The following SDC2 variants were observed in gnomAD, a reference collection of about 807,000 sequenced individuals.
SDC2 encodes the protein syndecan 2.
A neutral mutation model predicts 22.2 loss-of-function variants in SDC2; 13 were observed. That is an observed-to-expected ratio of 0.59 (90% confidence interval 0.38 to 0.93). SDC2 has a LOEUF of 0.93. Among genes scored for constraint, SDC2 ranks in the 40% least tolerant of loss-of-function variants. The probability of loss-of-function intolerance (pLI) is 0.00; values close to 1 mark genes in which losing one functional copy is unlikely to be tolerated. For missense variants in SDC2, 235 were observed against 246.8 expected (o/e 0.95, Z 0.32); for synonymous variants, 94 against 92.8 (o/e 1.01, Z -0.07).
At chr8:96,498,018 A>G (rs1001335127) in intron 1 of SDC2, among the ~76,000 whole-genome samples, 2 of 152,222 alleles carry the variant, frequency 1.3e-5, no homozygotes, top group East Asian at 1.9e-4. Flanking sequence ...GCTAAAACCA[A>G]TCTACTCTTA....
intron 1 of SDC2, among the ~76,000 whole-genome samples, chr8:96,497,500 G>A (rs1813094275): frequency 6.6e-6 from 1 of 152,094 alleles, no homozygotes; most frequent in Admixed American, 6.5e-5. Context: ...ACCCTTCGAG[G>A]GGTAGCCTAC....
intron 1 of SDC2, among the ~76,000 whole-genome samples, chr8:96,541,735 T>C (rs1451008135): frequency 6.6e-6 from 1 of 152,168 alleles, no homozygotes. Flanking sequence ...CACAGATTTT[T>C]AGTTTTTTGA....
At chr8:96,579,415 A>G (rs990522988) in intron 1 of SDC2, among the ~76,000 whole-genome samples, 3 of 152,242 alleles carry the variant, frequency 2.0e-5, no homozygotes, top group African/African-American at 7.2e-5. Flanking sequence ...AGTTTCTAAG[A>G]GGCCTAGCGT....
chr8:96,520,835 G>A (rs1813485592), intron 1 of SDC2, among the ~76,000 whole-genome samples: 1 of 152,148 alleles, frequency 6.6e-6, no homozygotes, highest in African/African-American at 2.4e-5. Context: ...TGCCCCTGGG[G>A]GAACCTCAGG....
At chr8:96,537,643 G>A (rs1813775503) in intron 1 of SDC2, among the ~76,000 whole-genome samples, 1 of 152,168 alleles carries the variant, frequency 6.6e-6, no homozygotes, top group Non-Finnish European at 1.5e-5. Flanking sequence ...TCTTCTGTAT[G>A]ATTTTTGCTT....
At chr8:96,535,067 G>T (rs192632953) in intron 1 of SDC2, among the ~76,000 whole-genome samples, 2 of 151,548 alleles carry the variant, frequency 1.3e-5, no homozygotes, top group Non-Finnish European at 2.9e-5. Context: ...GCAATGGTGC[G>T]ATCTTGGCTC....
intron 1 of SDC2, among the ~76,000 whole-genome samples, chr8:96,534,481 C>T (rs947918801): frequency 7.2e-5 from 11 of 152,172 alleles, no homozygotes; most frequent in Non-Finnish European, 1.2e-4. Context: ...GTTGCCTAGG[C>T]TGGAGTACAG....
chr8:96,518,256 T>TA (rs932807115), intron 1 of SDC2, among the ~76,000 whole-genome samples: 8 of 151,792 alleles, frequency 5.3e-5, no homozygotes, highest in African/African-American at 1.7e-4. Context: ...TTTTTAATGG[T>TA]AAAAAATGCC....
chr8:96,550,664 A>G (rs1405286502), intron 1 of SDC2, among the ~76,000 whole-genome samples: 2 of 152,202 alleles, frequency 1.3e-5, no homozygotes, highest in African/African-American at 4.8e-5. Flanking sequence ...TAGGCAGCCC[A>G]AACAAGACCC....
intron 1 of SDC2, among the ~76,000 whole-genome samples, chr8:96,495,447 C>T (rs1813058184): frequency 6.6e-6 from 1 of 152,216 alleles, no homozygotes; most frequent in South Asian, 2.1e-4. Flanking sequence ...GCGCCAGGAG[C>T]TCTGTCGGGC....
In SDC2 at chr8:96,606,103, G is replaced by C. The variant is rs531750852; in HGVS notation, c.307-2232G>C. On this transcript the variant is annotated intron_variant, in intron 3 of 4. Coordinates refer to ENST00000302190, the MANE Select transcript of SDC2 (RefSeq NM_002998.4). The stretch of plus-strand genomic sequence containing the variant: ...AGCTCTCAGGAACTTAGGAAGAGTA[G>C]TAGAGCTGAGAAGGATTATTGTCTG... Among the ~76,000 whole-genome samples, 51 of 152,302 alleles carry C rather than the reference G, an allele frequency of 3.3e-4. No homozygotes were observed. In the South Asian group the frequency reaches 0.01, roughly 31 times the overall value.
intron 2 of SDC2, among the ~76,000 whole-genome samples, chr8:96,598,599 C>T (rs867275352): frequency 2.6e-5 from 4 of 151,714 alleles, no homozygotes; most frequent in African/African-American, 9.7e-5. Context: ...GTCTGGGTGA[C>T]GAGCAAAATT....
At chr8:96,584,249 C>A (rs1814644313) in intron 1 of SDC2, among the ~76,000 whole-genome samples, 2 of 152,202 alleles carry the variant, frequency 1.3e-5, no homozygotes, top group African/African-American at 4.8e-5. Context: ...CTTTCTCCAG[C>A]CTGAGCTGAA....
intron 1 of SDC2, among the ~76,000 whole-genome samples, chr8:96,524,939 T>G (rs1450100701): frequency 6.6e-6 from 1 of 152,166 alleles, no homozygotes; most frequent in Non-Finnish European, 1.5e-5. Flanking sequence ...CAGTTTTTTG[T>G]GGAACCAGTT....
chr8:96,522,801 G>A (rs1390323643), intron 1 of SDC2, among the ~76,000 whole-genome samples: 1 of 152,198 alleles, frequency 6.6e-6, no homozygotes, highest in Non-Finnish European at 1.5e-5. Flanking sequence ...GATGTAAGGT[G>A]TAAAATAAAT....
intron 1 of SDC2, among the ~76,000 whole-genome samples, chr8:96,521,006 G>C (rs1361810403): frequency 6.6e-6 from 1 of 152,178 alleles, no homozygotes; most frequent in Non-Finnish European, 1.5e-5. Context: ...TGCCTTTTAA[G>C]ACCCTTTCAT....
At chr8:96,499,288 T>G (rs982921376) in intron 1 of SDC2, among the ~76,000 whole-genome samples, 1 of 152,198 alleles carries the variant, frequency 6.6e-6, no homozygotes, top group Non-Finnish European at 1.5e-5. Flanking sequence ...TCAGAATCAT[T>G]GAAAGTATGT....
At chr8:96,569,870 G>C (rs2130579991) in intron 1 of SDC2, among the ~76,000 whole-genome samples, 2 of 152,286 alleles carry the variant, frequency 1.3e-5, no homozygotes, top group South Asian at 4.1e-4. Flanking sequence ...GGGACTGTTA[G>C]TGCTATAAGG....
At chr8:96,508,447 T>A (rs1586270594) in intron 1 of SDC2, among the ~76,000 whole-genome samples, 1 of 150,270 alleles carries the variant, frequency 6.7e-6, no homozygotes. Context: ...GAGCAGAGAT[T>A]GAGCCACTGC....
Sources: allele counts gnomAD v4.1 joint callset (sites outside exome capture counted in the v4.1 genomes callset), GRCh38; gene constraint gnomAD v4.1.1; transcripts MANE v1.5; gene names NCBI Gene and HGNC (gene_info 2026-07-23, HGNC 2026-07-21).